FSTL5: variants seen among roughly 807,000 people sequenced by gnomAD.
FSTL5 encodes the protein follistatin-related protein 5.
A neutral mutation model predicts 89.1 loss-of-function variants in FSTL5; 62 were observed. The ratio of observed to expected loss-of-function variants is 0.70; its 90% confidence interval spans 0.57 to 0.86. The LOEUF (loss-of-function observed/expected upper bound fraction) is 0.86, where lower values mean the gene tolerates loss of function less well. FSTL5 is among the 40% of genes least tolerant of loss of function. The probability of loss-of-function intolerance (pLI) is 0.00; values close to 1 mark genes in which losing one functional copy is unlikely to be tolerated. For synonymous variants in FSTL5, 383 were observed against 346.2 expected, an observed-to-expected ratio of 1.11 and a Z score of -1.18; for missense variants, 1,057 against 1,001.6, an observed-to-expected ratio of 1.06 and a Z score of -0.75.
intron 6 of FSTL5, among the ~76,000 whole-genome samples, chr4:161,746,086 T>C (rs1022421359): frequency 6.6e-6 from 1 of 152,116 alleles, no homozygotes; most frequent in Admixed American, 6.5e-5. Flanking sequence ...CCATCACATA[T>C]ATAAATTATT....
At chr4:161,919,904 C>T (rs1436023750) in intron 4 of FSTL5, among the ~76,000 whole-genome samples, 1 of 152,176 alleles carries the variant, frequency 6.6e-6, no homozygotes, top group African/African-American at 2.4e-5. Context: ...ATCTCTGATT[C>T]ACTAATGAGA....
chr4:161,626,149 T>C (rs1035466941), intron 7 of FSTL5, among the ~76,000 whole-genome samples: 3 of 152,136 alleles, frequency 2.0e-5, no homozygotes, highest in African/African-American at 7.2e-5. Flanking sequence ...TGAAGCTGAC[T>C]ACACTACACA....
intron 7 of FSTL5, among the ~76,000 whole-genome samples, chr4:161,633,350 G>A (rs1037663385): frequency 2.0e-5 from 3 of 148,386 alleles, no homozygotes; most frequent in Non-Finnish European, 4.5e-5. Context: ...TAGGGTACAT[G>A]TGCACAACGA....
intron 4 of FSTL5, among the ~76,000 whole-genome samples, chr4:161,841,798 A>G (rs970850332): frequency 6.6e-6 from 1 of 152,098 alleles, no homozygotes; most frequent in African/African-American, 2.4e-5. Context: ...TTAATATTTT[A>G]TTGTTTATTC....
intron 2 of FSTL5, among the ~76,000 whole-genome samples, chr4:162,074,294 A>G (rs1729745223): frequency 6.6e-6 from 1 of 151,570 alleles, no homozygotes; most frequent in African/African-American, 2.4e-5. Flanking sequence ...TTGAATATTT[A>G]TTATTGTTTA....
chr4:161,476,713 G>A (rs1479271738), intron 13 of FSTL5, among the ~76,000 whole-genome samples: 1 of 152,152 alleles, frequency 6.6e-6, no homozygotes, highest in Non-Finnish European at 1.5e-5. Flanking sequence ...AGAGAAAAAT[G>A]AAAGAGGAGT....
chr4:161,542,805 T>A, intron 8 of FSTL5, 112 bp from the exon 9 acceptor site: 1 of 549,174 alleles, frequency 1.8e-6, no homozygotes, highest in Non-Finnish European at 2.8e-6. Flanking sequence ...TTAATGATGC[T>A]ATACGTTTCT....
At chr4:161,702,474 T>C (rs1738429134) in intron 6 of FSTL5, among the ~76,000 whole-genome samples, 2 of 152,094 alleles carry the variant, frequency 1.3e-5, no homozygotes, top group African/African-American at 4.8e-5. Context: ...AGCCATACAG[T>C]CATCCTCCAA....
chr4:161,827,713 C>T (rs1319071302), intron 4 of FSTL5, among the ~76,000 whole-genome samples: 3 of 152,094 alleles, frequency 2.0e-5, no homozygotes, highest in Non-Finnish European at 2.9e-5. Context: ...CTGTGCTATG[C>T]AGGTTACTAG....
chr4:161,972,928 A>C (rs1041274285), intron 3 of FSTL5, among the ~76,000 whole-genome samples: 1 of 152,206 alleles, frequency 6.6e-6, no homozygotes, highest in Non-Finnish European at 1.5e-5. Flanking sequence ...AAAAAATGCA[A>C]ATAATCATAT....
intron 2 of FSTL5, among the ~76,000 whole-genome samples, chr4:162,084,045 A>C (rs72693252): frequency 0.053 from 8,135 of 152,064 alleles, 397 homozygotes; most frequent in East Asian, 0.24. Context: ...GAATGAATTT[A>C]GAGAATATAA....
At chr4:161,498,140 A>G (rs1189536442) in intron 12 of FSTL5, among the ~76,000 whole-genome samples, 4 of 152,016 alleles carry the variant, frequency 2.6e-5, no homozygotes, top group Non-Finnish European at 5.9e-5. Flanking sequence ...TTGGATACAT[A>G]GAGAAATAAT....
At chr4:162,048,472 T>C (rs1413258624) in intron 2 of FSTL5, among the ~76,000 whole-genome samples, 1 of 152,128 alleles carries the variant, frequency 6.6e-6, no homozygotes, top group African/African-American at 2.4e-5. Flanking sequence ...GAACATGTTA[T>C]AAACAAAGAT....
chr4:161,791,638 TGG>T (rs1729480761), intron 4 of FSTL5, among the ~76,000 whole-genome samples: 1 of 152,140 alleles, frequency 6.6e-6, no homozygotes, highest in African/African-American at 2.4e-5. Context: ...TATACAATAA[TGG>T]TAGGACAGCG....
intron 2 of FSTL5, among the ~76,000 whole-genome samples, chr4:162,096,233 A>T (rs1182265604): frequency 6.6e-6 from 1 of 151,914 alleles, no homozygotes; most frequent in Non-Finnish European, 1.5e-5. Context: ...TCCTTCAAAG[A>T]CTTGATTCAT....
At chr4:161,388,500 G>C (rs1730718313) in intron 15 of FSTL5, 1 of 151,932 alleles carries the variant, frequency 6.6e-6, no homozygotes, top group Admixed American at 6.6e-5. Context: ...AACATCATAA[G>C]TACCACTATG....
At position 161,443,440 on chromosome 4, in the gene FSTL5, C is replaced by T. The variant is rs115772752; in HGVS notation, c.1841+11564G>A. ...TGAATTTGGATCTATATCCTTATTA[C>T]TCCAAAGTATGAGTTTAAGAAAAAT... On this transcript the variant is annotated intron_variant, in intron 15 of 15. Coordinates refer to ENST00000306100, the MANE Select transcript of FSTL5 (RefSeq NM_020116.5). 3.0e-3 allele frequency among the ~76,000 whole-genome samples: 456 copies of T among 152,038 alleles called. 3 individuals carry two copies. The highest frequency in any genetic ancestry group is 9.9e-3 in the African/African-American group (410 of 41,514).
rs550809866 is a variant in FSTL5 at position 161,414,841 on chromosome 4, A to G, written c.1842-28392T>C. On this transcript the variant is annotated intron_variant, in intron 15 of 15. Coordinates refer to ENST00000306100, the MANE Select transcript of FSTL5 (RefSeq NM_020116.5). ...TGATTCTTTGTATGGTGAAAAACACATGTTCTGGAGTTAGGTCTGGCTTTG... is the reference window on the plus strand; with the variant it reads ...TGATTCTTTGTATGGTGAAAAACACGTGTTCTGGAGTTAGGTCTGGCTTTG... 2.6e-5 allele frequency among the ~76,000 whole-genome samples: 4 copies of G among 152,324 alleles called. No individual in the cohort carries two copies. The South Asian group carries it at 6.2e-4, about 24-fold the overall frequency.
intron 15 of FSTL5, among the ~76,000 whole-genome samples, chr4:161,432,872 T>C (rs1178951978): frequency 6.6e-6 from 1 of 151,844 alleles, no homozygotes; most frequent in Non-Finnish European, 1.5e-5. Flanking sequence ...TCTACCAAGA[T>C]TGAACAATGA....
Sources: gnomAD v4.1 joint callset for allele counts (sites outside exome capture counted in the v4.1 genomes callset) on GRCh38, gnomAD v4.1.1 for gene constraint, MANE v1.5 for transcripts, NCBI Gene and HGNC (gene_info 2026-07-23, HGNC 2026-07-21) for gene names.